RYR2: variants seen among roughly 807,000 people sequenced by gnomAD.
RYR2 encodes the protein ryanodine receptor 2.
In RYR2, 227 loss-of-function variants were observed where a neutral mutation model predicts 601.1. That is an observed-to-expected ratio of 0.38 (90% confidence interval 0.34 to 0.42). RYR2 has a LOEUF of 0.42. Ranked by LOEUF, RYR2 falls within the 10% of genes least tolerant of loss-of-function variation. RYR2 has a pLI of 1.00. For synonymous variants in RYR2, 2,223 were observed against 2,175.1 expected (o/e 1.02, Z -0.61); for missense variants, 4,646 against 6,156.5 (o/e 0.75, Z 8.21).
chr1:237,130,166 C>T (rs1467837285), intron 1 of RYR2, among the ~76,000 whole-genome samples: 1 of 151,872 alleles, frequency 6.6e-6, no homozygotes, highest in African/African-American at 2.4e-5. Flanking sequence ...AATCATTTCA[C>T]ATTATATACA....
At chr1:237,310,066 C>A (rs2149487223) in intron 2 of RYR2, among the ~76,000 whole-genome samples, 1 of 152,326 alleles carries the variant, frequency 6.6e-6, no homozygotes, top group South Asian at 2.1e-4. Context: ...TCCCACAGTG[C>A]AGCAGCAGGC....
intron 1 of RYR2, among the ~76,000 whole-genome samples, chr1:237,191,453 T>C (rs1287528975): frequency 6.6e-6 from 1 of 151,698 alleles, no homozygotes; most frequent in Admixed American, 6.6e-5. Context: ...AAGAATATCA[T>C]TGAAATTTTG....
At chr1:237,685,148 T>C (rs1478386767) in intron 62 of RYR2, among the ~76,000 whole-genome samples, 1 of 152,138 alleles carries the variant, frequency 6.6e-6, no homozygotes, top group Non-Finnish European at 1.5e-5. Flanking sequence ...TGGAGAATGT[T>C]GGAAATGAGG....
At chr1:237,127,711 C>T (rs549605987) in intron 1 of RYR2, among the ~76,000 whole-genome samples, 1,661 of 110,206 alleles carry the variant, frequency 0.015, 29 homozygotes, top group African/African-American at 0.055. Flanking sequence ...CAGACGGGGT[C>T]GCGGCCGGGC....
chr1:237,526,153 A>G (rs1667572055), intron 24 of RYR2, among the ~76,000 whole-genome samples: 2 of 152,140 alleles, frequency 1.3e-5, no homozygotes, highest in Admixed American at 1.3e-4. Context: ...TATAAGCTAC[A>G]TCCTCACCCA....
chr1:237,051,300 CT>C (rs1661244289), intron 1 of RYR2, among the ~76,000 whole-genome samples: 1 of 125,800 alleles, frequency 7.9e-6, no homozygotes, highest in Non-Finnish European at 1.7e-5. Context: ...CTCTCTCTCT[CT>C]CTTTCTCTTT....
chr1:237,213,548 G>A (rs1682819495), intron 1 of RYR2, among the ~76,000 whole-genome samples: 2 of 152,178 alleles, frequency 1.3e-5, no homozygotes, highest in South Asian at 4.1e-4. Flanking sequence ...TCTTTTGTGA[G>A]TTTCCTACTT....
intron 48 of RYR2, 99 bp from the exon 49 acceptor site, chr1:237,648,345 A>C: frequency 1.9e-6 from 2 of 1,073,934 alleles, no homozygotes; most frequent in Non-Finnish European, 2.5e-6. Flanking sequence ...TTTCATTGAA[A>C]ACTGTGTTTA....
rs544345320 is a variant in RYR2 at position 237,288,614 on chromosome 1, T to TA, written c.168+17998_168+17999insA. Reference sequence around the variant, plus strand: ...GGGGGAAAGCCAGTAGTCACAGGCCTCACCCAGCTCCCACGCAAACAGAAG... The same window carrying TA: ...GGGGGAAAGCCAGTAGTCACAGGCCTACACCCAGCTCCCACGCAAACAGAAG... On this transcript the variant is annotated intron_variant, in intron 2 of 104. Coordinates refer to ENST00000366574, the MANE Select transcript of RYR2 (RefSeq NM_001035.3). 9.7e-4 allele frequency among the ~76,000 whole-genome samples: 148 copies of TA among 151,980 alleles called. No individual in the cohort carries two copies. In the Middle Eastern group the frequency reaches 0.01, roughly 11 times the overall value.
intron 16 of RYR2, among the ~76,000 whole-genome samples, chr1:237,464,702 T>C (rs527892433): frequency 3.1e-4 from 47 of 152,306 alleles, no homozygotes; most frequent in Non-Finnish European, 5.3e-4. Context: ...CATGTACTTA[T>C]ATTCAGTGTA....
chr1:237,621,201 T>G (rs616734), intron 38 of RYR2, among the ~76,000 whole-genome samples: 85,575 of 151,880 alleles, frequency 0.56, 28,035 homozygotes, highest in Non-Finnish European at 0.72. Flanking sequence ...ATTTAAAGAT[T>G]CATTAAACTA....
At position 237,042,357 on chromosome 1, in the gene RYR2, C is replaced by T. The variant is rs1028265262; in HGVS notation, c.-165C>T. ...CCGCGCCCGAGCGTCCGCGCCTCCT[C>T]CTCCGCTCTGCAGGCGGGGACCGCC... On this transcript the variant is annotated 5_prime_UTR_variant, in exon 1 of 105. Coordinates refer to ENST00000366574, the MANE Select transcript of RYR2 (RefSeq NM_001035.3). 1 of 543,310 alleles carries T rather than the reference C, an allele frequency of 1.8e-6. No homozygotes were observed. Among genetic ancestry groups the T allele is most frequent in the Non-Finnish European group, 2.6e-6 (1 of 386,014 alleles). The allele number at this position is 543,310 out of a possible 1,614,324, so 33.7% of individuals were successfully genotyped here.
chr1:237,493,494 C>A (rs1349983028), intron 19 of RYR2, among the ~76,000 whole-genome samples: 1 of 152,092 alleles, frequency 6.6e-6, no homozygotes, highest in African/African-American at 2.4e-5. Flanking sequence ...GCTCTGTCGC[C>A]CAGGCTGGAG....
chr1:237,496,536 G>A lies in RYR2; in HGVS notation c.1987G>A (p.Val663Ile), dbSNP rs374277541. 44 of 1,613,886 alleles carry A rather than the reference G, an allele frequency of 2.7e-5. No individual in the cohort carries two copies. Among genetic ancestry groups the A allele is most frequent in the Middle Eastern group, 1.7e-4 (1 of 6,060 alleles). Residue 663 changes from valine (V) to isoleucine (I), a missense_variant, in exon 20 of 105, where the codon GTC (valine) becomes ATC (isoleucine). Val to Ile is a conservative substitution (Grantham distance 29). This residue lies in a region of RYR2 where 1,807 missense variants were observed against 2,088.1 expected (regional missense o/e 0.87). Coordinates refer to ENST00000366574, the MANE Select transcript of RYR2 (RefSeq NM_001035.3). ...SSMRPNIFLG[V>I]SEGSAQYKKW... is the part of the protein sequence containing the mutation. ...CATGAGACCCAATATTTTTCTGGGCGTCAGTGAAGGTTCTGCTCAGTATAA... is the reference window on the plus strand; with the variant it reads ...CATGAGACCCAATATTTTTCTGGGCATCAGTGAAGGTTCTGCTCAGTATAA...
chr1:237,641,138 C>G (rs1359555756), intron 47 of RYR2, 136 bp downstream of exon 47: 6 of 541,528 alleles, frequency 1.1e-5, no homozygotes, highest in Non-Finnish European at 1.6e-5. Context: ...AGTCTAATCA[C>G]TGAACAAGTG....
In RYR2 at chr1:237,106,065, G is replaced by A. The variant is rs1572650616; in HGVS notation, c.48+63496G>A. 1.3e-5 allele frequency among the ~76,000 whole-genome samples: 2 copies of A among 152,088 alleles called. No individual in the cohort carries two copies. The highest frequency in any genetic ancestry group is 4.2e-4 in the South Asian group (2 of 4,796). ...CAGTGGTGGGGAGGCCAGAGGGGCTGCGGGTGTGGGCCGGGCAGGTGGAGG... is the reference window on the plus strand; with the variant it reads ...CAGTGGTGGGGAGGCCAGAGGGGCTACGGGTGTGGGCCGGGCAGGTGGAGG... On this transcript the variant is annotated intron_variant, in intron 1 of 104. Coordinates refer to ENST00000366574, the MANE Select transcript of RYR2 (RefSeq NM_001035.3). This position sits in a 1 kb window ranked among gnomAD's most constrained non-coding sequence, Gnocchi z 4.4.
At chr1:237,260,612 C>T (rs1350766491) in intron 1 of RYR2, among the ~76,000 whole-genome samples, 1 of 152,076 alleles carries the variant, frequency 6.6e-6, no homozygotes, top group African/African-American at 2.4e-5. Flanking sequence ...GTGGGCAGAT[C>T]GCTTAAGTCC....
At chr1:237,766,198 A>G (rs1231949606) in intron 84 of RYR2, among the ~76,000 whole-genome samples, 1 of 152,190 alleles carries the variant, frequency 6.6e-6, no homozygotes, top group Non-Finnish European at 1.5e-5. Context: ...CAAGGAATCT[A>G]CACTTTATCT....
At chr1:237,465,553 G>C (rs981510685) in intron 16 of RYR2, among the ~76,000 whole-genome samples, 2 of 152,088 alleles carry the variant, frequency 1.3e-5, no homozygotes, top group Non-Finnish European at 2.9e-5. Context: ...AAACATCATG[G>C]AACTTACACA....
Sources: gnomAD v4.1 joint callset for allele counts (sites outside exome capture counted in the v4.1 genomes callset) on GRCh38, gnomAD v4.1.1 for gene constraint, gnomAD v4.1.1 regional missense constraint, Gnocchi (gnomAD v3.1) non-coding constraint, MANE v1.5 for transcripts, NCBI Gene and HGNC (gene_info 2026-07-23, HGNC 2026-07-21) for gene names.